ASCC2: variants seen among roughly 807,000 people sequenced by gnomAD.
The protein encoded by ASCC2 is activating signal cointegrator 1 complex subunit 2, also known as ASC-1 complex subunit P100.
ASCC2 carries 42 observed loss-of-function variants against 93.5 expected under a neutral mutation model. The ratio of observed to expected loss-of-function variants is 0.45; its 90% CI spans 0.35 to 0.58. ASCC2 has a LOEUF of 0.58. ASCC2 is among the 20% of genes least tolerant of loss of function. ASCC2 has a pLI of 0.00. For missense variants in ASCC2, 859 were observed against 977.6 expected (o/e 0.88, Z 1.62); for synonymous variants, 364 against 384.2 (o/e 0.95, Z 0.62).
At chr22:29,837,269 A>G (rs1291109401) in intron 1 of ASCC2, among the ~76,000 whole-genome samples, 2 of 8,714 alleles carry the variant, frequency 2.3e-4, no homozygotes, top group Admixed American at 1.7e-3. Flanking sequence ...TCTCTACCGA[A>G]AAAAAAAAAA....
At chr22:29,832,463 T>TTGATGGTTCAG (rs1318314596) in intron 1 of ASCC2, 121 bp from the exon 2 acceptor site, 8 of 758,162 alleles carry the variant, frequency 1.1e-5, no homozygotes, top group Non-Finnish European at 1.7e-5. Flanking sequence ...AGGAGGCTCC[T>TTGATGGTTCAG]GTTGTGGTTC....
At chr22:29,827,541 G>A in intron 2 of ASCC2, 1 of 470,410 alleles carries the variant, frequency 2.1e-6, no homozygotes. Context: ...CTCTCATGTG[G>A]GTCTGCAGGA....
chr22:29,822,558 A>C (rs2061689905), intron 4 of ASCC2, 94 bp from the exon 5 acceptor site: 3 of 1,459,530 alleles, frequency 2.1e-6, no homozygotes. Flanking sequence ...TGGTTCCATC[A>C]AATGGGGACT....
At chr22:29,802,256 G>T (rs907228532) in intron 13 of ASCC2, 48 bp from the exon 14 acceptor site, 1 of 1,584,314 alleles carries the variant, frequency 6.3e-7, no homozygotes, top group African/African-American at 1.3e-5. Context: ...GTGGGCCGGT[G>T]ATAGGGCCAC....
chr22:29,796,734 A>T (rs577030303), intron 15 of ASCC2, among the ~76,000 whole-genome samples: 1 of 152,346 alleles, frequency 6.6e-6, no homozygotes, highest in South Asian at 2.1e-4. Context: ...AAGCTTGTTC[A>T]GGTGGTAGGT....
intron 2 of ASCC2, among the ~76,000 whole-genome samples, chr22:29,826,812 T>A (rs1418018019): frequency 6.6e-6 from 1 of 151,764 alleles, no homozygotes; most frequent in Non-Finnish European, 1.5e-5. Flanking sequence ...ATTATACCCA[T>A]AAAGGCCAGG....
At chr22:29,828,965 A>G (rs1855553863) in intron 2 of ASCC2, among the ~76,000 whole-genome samples, 1 of 152,130 alleles carries the variant, frequency 6.6e-6, no homozygotes, top group African/African-American at 2.4e-5. Context: ...ACTTGAGGCC[A>G]GGAGTTTGAG....
At chr22:29,796,351 A>G (rs1364872151) in intron 15 of ASCC2, among the ~76,000 whole-genome samples, 4 of 152,030 alleles carry the variant, frequency 2.6e-5, no homozygotes, top group African/African-American at 9.7e-5. Context: ...TGAGTTGGGG[A>G]GAGATTCAGA....
At chr22:29,802,934 T>G (rs1399063633) in intron 13 of ASCC2, among the ~76,000 whole-genome samples, 1 of 148,058 alleles carries the variant, frequency 6.8e-6, no homozygotes, top group Non-Finnish European at 1.5e-5. Flanking sequence ...AGACCCTGTC[T>G]CAAAAAATAA....
intron 5 of ASCC2, 96 bp downstream of exon 5, chr22:29,822,239 G>A: frequency 6.5e-7 from 1 of 1,530,924 alleles, no homozygotes; most frequent in Non-Finnish European, 8.9e-7. Flanking sequence ...ATCGCCCTGA[G>A]TCCCTGGGCA....
chr22:29,804,748 T>C lies in ASCC2; in HGVS notation c.1243A>G (p.Lys415Glu). ...GGCTCCTCAATCACCGATGGGTCTTTAGCATCTGTGGCTTTCCGTCTGTCC... is the reference window on the plus strand; with the variant it reads ...GGCTCCTCAATCACCGATGGGTCTTCAGCATCTGTGGCTTTCCGTCTGTCC... ...GVDRRKATDA[K>E]DPSVIEEPNG... Residue 415 changes from lysine to glutamate, a missense_variant, in exon 13 of 20, where the codon AAA (lysine) becomes GAA (glutamate). Physicochemically the swap from Lys to Glu is moderately conservative, Grantham distance 56. Transcript: ENST00000307790. 3 of 1,614,156 alleles carry C rather than the reference T, an allele frequency of 1.9e-6. No individual in the cohort carries two copies. Among genetic ancestry groups the C allele is most frequent in the Non-Finnish European group, 8.5e-7 (1 of 1,180,014 alleles).
In ASCC2 at chr22:29,804,692, T is replaced by C. The variant is rs56135507; in HGVS notation, c.1299A>G (p.Thr433=). Residue 433 remains threonine (T), a synonymous_variant, in exon 13 of 20, where the codon ACA becomes ACG. Transcript: ENST00000307790. The part of the protein sequence containing the change: ...PNGEPNGVTV[T]AEAVSQASSH... ...ATGATGCTTGACTGACTGCCTCTGC[T>C]GTCACCGTGACCCCGTTAGGCTCCC... 4.3e-6 allele frequency: 7 copies of C among 1,614,146 alleles called. No individual in the cohort carries two copies. The highest frequency in any genetic ancestry group is 5.9e-6 in the Non-Finnish European group (7 of 1,180,014).
intron 19 of ASCC2, among the ~76,000 whole-genome samples, chr22:29,790,029 TA>T (rs1474186690): frequency 6.6e-6 from 1 of 152,184 alleles, no homozygotes; most frequent in African/African-American, 2.4e-5. Context: ...TTTTCACCCT[TA>T]GGGGCCCAAC....
chr22:29,810,039 C>T (rs2060112569), intron 8 of ASCC2: 1 of 152,340 alleles, frequency 6.6e-6, no homozygotes, highest in Non-Finnish European at 1.5e-5. Flanking sequence ...CGCACAACCC[C>T]TCAACATTCT....
chr22:29,819,590 A>AT (rs1408729942), intron 5 of ASCC2, among the ~76,000 whole-genome samples: 3 of 152,196 alleles, frequency 2.0e-5, no homozygotes, highest in African/African-American at 7.2e-5. Flanking sequence ...ACAGCCAGGA[A>AT]TAGAGCTGTG....
Position 29,788,974 on chromosome 22 carries a change from T to C in ASCC2, c.*39A>G. On this transcript the variant is annotated 3_prime_UTR_variant, in exon 20 of 20. Transcript: ENST00000307790. ...GGCGATGGGAGCACGGCCTGGTGAG[T>C]CTGGTGCCGCTGCCTCCCCACTGGC... 1 of 1,612,938 alleles carries C rather than the reference T, an allele frequency of 6.2e-7. No homozygotes were observed. Among genetic ancestry groups the C allele is most frequent in the Non-Finnish European group, 8.5e-7 (1 of 1,179,154 alleles).
intron 1 of ASCC2, among the ~76,000 whole-genome samples, chr22:29,833,046 G>A (rs575471066): frequency 6.4e-4 from 97 of 152,146 alleles, no homozygotes; most frequent in Middle Eastern, 3.4e-3. Context: ...ACCTCCCAAA[G>A]CGCTCACAGG....
chr22:29,809,362 A>C (rs2147868144), intron 8 of ASCC2, among the ~76,000 whole-genome samples: 1 of 152,274 alleles, frequency 6.6e-6, no homozygotes, highest in South Asian at 2.1e-4. Flanking sequence ...TTAACTAATT[A>C]ATTTTTTTTT....
intron 13 of ASCC2, among the ~76,000 whole-genome samples, chr22:29,804,413 G>A (rs930653361): frequency 6.6e-6 from 1 of 152,208 alleles, no homozygotes; most frequent in African/African-American, 2.4e-5. Context: ...GGCTTCGATA[G>A]TTGAAGCAAC....
Sources: gnomAD v4.1 joint callset for allele counts (sites outside exome capture counted in the v4.1 genomes callset) on GRCh38, gnomAD v4.1.1 for gene constraint, MANE v1.5 for transcripts, NCBI Gene and HGNC (gene_info 2026-07-23, HGNC 2026-07-21) for gene names.